BCO2: variants seen among roughly 807,000 people sequenced by gnomAD.
BCO2 encodes beta-carotene oxygenase 2, also known as carotenoid-cleaving dioxygenase, mitochondrial.
A neutral mutation model predicts 65.8 loss-of-function variants in BCO2; 56 were observed. The ratio of observed to expected loss-of-function variants is 0.85; its 90% CI spans 0.69 to 1.06. The LOEUF (loss-of-function observed/expected upper bound fraction) is 1.06. BCO2 is among the 50% of genes least tolerant of loss of function. The pLI, the probability that BCO2 is intolerant of heterozygous loss-of-function variation, is 0.00. For missense variants in BCO2, 675 were observed against 698.5 expected (o/e 0.97, Z 0.38); for synonymous variants, 233 against 242.3 (o/e 0.96, Z 0.36).
chr11:112,209,230 T>C lies in BCO2; in HGVS notation c.1195-4494T>C, dbSNP rs192587691. On this transcript the variant is annotated intron_variant, in intron 8 of 11. Transcript: ENST00000357685. ...TAGTTCACTGCCCTGAAAATCTCCC[T>C]GTGCTCCCCCATTCGTCCCTTCCCC... 5.4e-3 allele frequency among the ~76,000 whole-genome samples: 823 copies of C among 152,310 alleles called. 3 individuals carry two copies. Among genetic ancestry groups the C allele is most frequent in the Non-Finnish European group, 7.2e-3 (493 of 68,024 alleles).
At chr11:112,185,114 TA>T (rs1386657440) in intron 2 of BCO2, among the ~76,000 whole-genome samples, 1 of 152,218 alleles carries the variant, frequency 6.6e-6, no homozygotes, top group Admixed American at 6.5e-5. Context: ...TCTATTTTCA[TA>T]ATCAATATGT....
At chr11:112,195,182 C>T (rs1479280656) in intron 5 of BCO2, among the ~76,000 whole-genome samples, 1 of 103,938 alleles carries the variant, frequency 9.6e-6, no homozygotes, top group Non-Finnish European at 1.9e-5. Context: ...TGTTGCCAGG[C>T]AGGAGTGCAG....
At chr11:112,183,248 T>G in intron 2 of BCO2, 1 of 747,066 alleles carries the variant, frequency 1.3e-6, no homozygotes, top group Admixed American at 1.9e-5. Context: ...CTTATCACTT[T>G]TCTTTCTCCA....
intron 1 of BCO2, among the ~76,000 whole-genome samples, chr11:112,177,112 T>G (rs1451764014): frequency 6.6e-6 from 1 of 152,206 alleles, no homozygotes; most frequent in Non-Finnish European, 1.5e-5. Context: ...GCCATTCAAT[T>G]TACTTAAAAA....
At chr11:112,217,503 AG>A (rs1194968551) in intron 11 of BCO2, among the ~76,000 whole-genome samples, 2 of 152,184 alleles carry the variant, frequency 1.3e-5, no homozygotes, top group Admixed American at 6.5e-5. Context: ...CTGGTACTAC[AG>A]GTGTGCACCA....
chr11:112,217,813 G>A lies in BCO2; in HGVS notation c.1679G>A (p.Gly560Asp). The change falls in exon 12 of 12, where the codon GGC becomes GAC. Residue 560 changes from glycine (G) to aspartate (D), a missense_variant. Gly to Asp is a moderately conservative substitution (Grantham distance 94, BLOSUM62 -1). Coordinates refer to ENST00000357685, the MANE Select transcript of BCO2 (RefSeq NM_031938.7). The stretch of plus-strand genomic sequence containing the variant: ...GATGCCAAGAACTTTGAAGAGCTGG[G>A]CCGAGCAGAGGTACCTGTGCAGATG... ...VLDAKNFEEL[G>D]RAEVPVQMPY... is the part of the protein sequence containing the mutation. 1 of 1,614,166 alleles carries A rather than the reference G, an allele frequency of 6.2e-7. No individual in the cohort carries two copies. The highest frequency in any genetic ancestry group is 1.3e-5 in the African/African-American group (1 of 75,038).
chr11:112,204,494 C>A (rs1397397968), intron 8 of BCO2, among the ~76,000 whole-genome samples: 3 of 151,988 alleles, frequency 2.0e-5, no homozygotes, highest in Admixed American at 2.0e-4. Flanking sequence ...CTGCATGGGT[C>A]CTTATATGCA....
At chr11:112,216,729 T>C (rs1277331083) in intron 11 of BCO2, among the ~76,000 whole-genome samples, 2 of 152,236 alleles carry the variant, frequency 1.3e-5, no homozygotes, top group Non-Finnish European at 2.9e-5. Flanking sequence ...TATATCATCA[T>C]GTGTGCTGCC....
chr11:112,182,391 C>T (rs575348695), intron 2 of BCO2, among the ~76,000 whole-genome samples: 40 of 152,290 alleles, frequency 2.6e-4, no homozygotes, highest in South Asian at 1.0e-3. Flanking sequence ...GCTATAAAGA[C>T]ACATGCACAC....
chr11:112,208,873 T>C, intron 8 of BCO2: 1 of 174,666 alleles, frequency 5.7e-6, no homozygotes, highest in Non-Finnish European at 1.3e-5. Context: ...GAAATTGAAT[T>C]TGTCCATTGT....
intron 2 of BCO2, among the ~76,000 whole-genome samples, chr11:112,180,144 C>A (rs1866994476): frequency 6.6e-6 from 1 of 152,170 alleles, no homozygotes; most frequent in Admixed American, 6.5e-5. Context: ...TCTTTTAAAT[C>A]ATCTCTAAAT....
At chr11:112,217,696 TG>T in intron 11 of BCO2, 64 bp from the exon 12 acceptor site, 1 of 1,133,190 alleles carries the variant, frequency 8.8e-7, no homozygotes, top group Non-Finnish European at 1.3e-6. Context: ...TACAGCTTAG[TG>T]GAGGAGACAG....
intron 2 of BCO2, among the ~76,000 whole-genome samples, chr11:112,189,944 G>A (rs1867324012): frequency 6.6e-6 from 1 of 152,058 alleles, no homozygotes; most frequent in African/African-American, 2.4e-5. Flanking sequence ...CAAAGATCAT[G>A]GAAAAAAGTA....
At chr11:112,195,615 G>C (rs1213177729) in intron 5 of BCO2, among the ~76,000 whole-genome samples, 2 of 151,734 alleles carry the variant, frequency 1.3e-5, no homozygotes, top group African/African-American at 4.8e-5. Flanking sequence ...GCTAATTTTT[G>C]TATTTTTAGT....
chr11:112,206,080 C>T (rs193027605), intron 8 of BCO2, among the ~76,000 whole-genome samples: 58 of 152,304 alleles, frequency 3.8e-4, no homozygotes, highest in African/African-American at 1.2e-3. Context: ...TGGAAGGTTG[C>T]GCAGCGGCCA....
intron 10 of BCO2, chr11:112,215,278 T>G (rs1306862026): frequency 3.1e-6 from 1 of 323,888 alleles, no homozygotes; most frequent in African/African-American, 2.2e-5. Context: ...AATCTGGGAC[T>G]GCAAAGACTC....
chr11:112,214,159 T>C (rs948842574), intron 9 of BCO2, among the ~76,000 whole-genome samples: 1 of 151,866 alleles, frequency 6.6e-6, no homozygotes, highest in African/African-American at 2.4e-5. Flanking sequence ...TTTATTTTTA[T>C]TTTTTGAGAT....
In BCO2 at chr11:112,184,985, A is replaced by G. The variant is rs188585866; in HGVS notation, c.293+5503A>G. Among the ~76,000 whole-genome samples the G allele has an allele frequency of 3.9e-5, 6 of 152,340 alleles. No individual in the cohort carries two copies. The East Asian group carries it at 9.6e-4, about 24-fold the overall frequency. The stretch of plus-strand genomic sequence containing the variant: ...AGCTTTCCTTAACAGTAAAGGGTAC[A>G]TATGCATAGTGGGAGGAGATCAGAC... On this transcript the variant is annotated intron_variant, in intron 2 of 11. Coordinates refer to ENST00000357685, the MANE Select transcript of BCO2 (RefSeq NM_031938.7).
chr11:112,209,446 G>T (rs1363353561), intron 8 of BCO2, among the ~76,000 whole-genome samples: 1 of 152,162 alleles, frequency 6.6e-6, no homozygotes, highest in Non-Finnish European at 1.5e-5. Flanking sequence ...TTTTATCGCT[G>T]AAATGTGTAT....
Sources: gnomAD v4.1 joint callset for allele counts (sites outside exome capture counted in the v4.1 genomes callset) on GRCh38, gnomAD v4.1.1 for gene constraint, MANE v1.5 for transcripts, NCBI Gene and HGNC (gene_info 2026-07-23, HGNC 2026-07-21) for gene names.